The following SPATA13 variants were observed in gnomAD, a reference collection of about 807,000 sequenced individuals.
SPATA13 encodes spermatogenesis-associated protein 13.
SPATA13 carries 50 observed loss-of-function variants against 104.0 expected under a neutral mutation model. The ratio of observed to expected loss-of-function variants is 0.48; its 90% CI spans 0.38 to 0.61. The LOEUF is 0.61. SPATA13 is among the 20% of genes least tolerant of loss of function. SPATA13 has a pLI of 0.00. For missense variants in SPATA13, 1,524 were observed against 1,690.6 expected, an observed-to-expected ratio of 0.90 and a Z score of 1.73; for synonymous variants, 606 against 667.5, an observed-to-expected ratio of 0.91 and a Z score of 1.42.
rs35892461 is a variant in SPATA13, at chr13:24,070,273, C to G, written c.-112+52572C>G. On this transcript the variant is annotated intron_variant, in intron 3 of 14. Coordinates refer to the SPATA13 transcript ENST00000424834. ...GGTCTGCTTGGGCAACAGAAATGTC[C>G]GAGGAAATTAGCCCTGATGCGTGGC... 3.9e-5 allele frequency among the ~76,000 whole-genome samples: 6 copies of G among 152,236 alleles called. 1 individual carries two copies. Among genetic ancestry groups the G allele is most frequent in the African/African-American group, 1.4e-4 (6 of 41,548 alleles).
intron 1 of SPATA13, among the ~76,000 whole-genome samples, chr13:24,177,478 C>A (rs1351198304): frequency 6.6e-6 from 1 of 152,066 alleles, no homozygotes; most frequent in Non-Finnish European, 1.5e-5. Context: ...TCTCTTAGGC[C>A]TTTTTAATTT....
Position 24,303,269 on chromosome 13 carries a change from C to A in SPATA13, c.*496C>A. 4.8e-6 allele frequency: 2 copies of A among 419,132 alleles called. No individual in the cohort carries two copies. Among genetic ancestry groups the A allele is most frequent in the African/African-American group, 2.0e-5 (1 of 48,906 alleles). The allele number at this position is 419,132 out of a possible 1,614,324, so 26.0% of individuals were successfully genotyped here. A position where few individuals can be genotyped will look rare whatever the true frequency, so the allele number is the denominator to read the frequency against. On this transcript the variant is annotated 3_prime_UTR_variant, in exon 13 of 13. Coordinates refer to ENST00000382108, the MANE Select transcript of SPATA13 (RefSeq NM_001166271.3). ...CACTTAGAAATTGAGCTCTTACTCT[C>A]TTCTGTAATACTGGGGGACCTACAG...
At chr13:24,075,908 A>T (rs988463295) in intron 3 of SPATA13, among the ~76,000 whole-genome samples, 1 of 152,300 alleles carries the variant, frequency 6.6e-6, no homozygotes, top group East Asian at 1.9e-4. Context: ...TATAGAAGAA[A>T]TAATTTCTGC....
intron 4 of SPATA13, among the ~76,000 whole-genome samples, chr13:24,261,526 AT>A (rs1458244166): frequency 6.6e-6 from 1 of 152,200 alleles, no homozygotes; most frequent in African/African-American, 2.4e-5. Context: ...GGAGTGTGAT[AT>A]GAGTGGGGGT....
intron 3 of SPATA13, among the ~76,000 whole-genome samples, chr13:24,098,665 A>G (rs527706693): frequency 6.6e-6 from 1 of 152,066 alleles, no homozygotes; most frequent in African/African-American, 2.4e-5. Flanking sequence ...GTGGTGGTTT[A>G]TGACTGTAAT....
At position 24,224,579 on chromosome 13, in the gene SPATA13, G is replaced by A. The variant is rs1159140150; in HGVS notation, c.1650G>A (p.Glu550=). Residue 550 remains glutamate (E), a synonymous_variant, in exon 2 of 13, where the codon GAG becomes GAA. Coordinates refer to ENST00000382108, the MANE Select transcript of SPATA13 (RefSeq NM_001166271.3). ...CCGGCCCAGAAGAAAAGGAGAAGGAGGAGGTAAGGGCAGCGGCGAGGTCCC... is the reference window on the plus strand; with the variant it reads ...CCGGCCCAGAAGAAAAGGAGAAGGAAGAGGTAAGGGCAGCGGCGAGGTCCC... ...VAAGPEEKEK[E]EVVPDGPWRR... is the part of the protein sequence containing the mutation. The A allele has an allele frequency of 1.3e-6, 2 of 1,537,808 alleles. No individual in the cohort carries two copies. The highest frequency in any genetic ancestry group is 2.4e-5 in the East Asian group (1 of 40,918).
rs185584966 is a variant in SPATA13 at position 24,251,046 on chromosome 13, C to T, written c.2020-672C>T. 4.6e-3 allele frequency among the ~76,000 whole-genome samples: 703 copies of T among 152,308 alleles called. 5 individuals carry two copies. The highest frequency in any genetic ancestry group is 0.016 in the African/African-American group (659 of 41,558). ...AGAAGAAAAAAAGAAATCTAAGGAA[C>T]GTATAAAGCAACTGGGCCTTTGATT... On this transcript the variant is annotated intron_variant, in intron 3 of 12. Coordinates refer to ENST00000382108, the MANE Select transcript of SPATA13 (RefSeq NM_001166271.3).
chr13:24,105,679 G>T (rs1447448518), intron 3 of SPATA13, among the ~76,000 whole-genome samples: 2 of 152,164 alleles, frequency 1.3e-5, no homozygotes, highest in Non-Finnish European at 2.9e-5. Flanking sequence ...TCTCTGTTAA[G>T]GGCCGAATTG....
At chr13:24,163,528 A>T (rs898171102) in intron 1 of SPATA13, among the ~76,000 whole-genome samples, 1 of 152,158 alleles carries the variant, frequency 6.6e-6, no homozygotes, top group African/African-American at 2.4e-5. Context: ...TGACTGTATG[A>T]GTCTTATTTA....
chr13:24,165,684 A>G (rs558820265), intron 1 of SPATA13, among the ~76,000 whole-genome samples: 4 of 152,106 alleles, frequency 2.6e-5, no homozygotes, highest in South Asian at 2.1e-4. Context: ...TCTTATTCCA[A>G]TGGGGGCAGG....
chr13:24,172,837 A>G (rs1335037992), intron 1 of SPATA13, among the ~76,000 whole-genome samples: 1 of 152,212 alleles, frequency 6.6e-6, no homozygotes, highest in Non-Finnish European at 1.5e-5. Context: ...TAATGTTAGA[A>G]TAGTCGTCTC....
At chr13:24,142,423 C>T (rs1344732922) in intron 3 of SPATA13, among the ~76,000 whole-genome samples, 1 of 152,094 alleles carries the variant, frequency 6.6e-6, no homozygotes, top group Non-Finnish European at 1.5e-5. Context: ...TCTTTCATGA[C>T]CTTGACACTT....
chr13:24,207,023 G>C (rs956765208), intron 1 of SPATA13, among the ~76,000 whole-genome samples: 1 of 152,186 alleles, frequency 6.6e-6, no homozygotes, highest in African/African-American at 2.4e-5. Flanking sequence ...ATACACCATG[G>C]AATACTATGC....
chr13:23,987,338 A>T (rs1329894399), intron 2 of SPATA13, among the ~76,000 whole-genome samples: 1 of 152,132 alleles, frequency 6.6e-6, no homozygotes, highest in Non-Finnish European at 1.5e-5. Context: ...TAAAATACTT[A>T]CATTTTCAGT....
rs370165292 is a variant in SPATA13, at chr13:24,277,368, T to C, written c.2165-6767T>C. Among the ~76,000 whole-genome samples the C allele has an allele frequency of 7.9e-4, 112 of 142,510 alleles. 1 individual carries two copies. Among genetic ancestry groups the C allele is most frequent in the African/African-American group, 1.4e-3 (52 of 37,906 alleles). The allele number at this position is 142,510 out of a possible 152,430, so 93.5% of individuals were successfully genotyped here. On this transcript the variant is annotated intron_variant, in intron 4 of 12. Transcript: ENST00000382108. ...CTGAGGCAGGAGAATGGCGTGAACC[T>C]AGGAGGCGGAGCTTGCAGTGACCCG...
intron 4 of SPATA13, among the ~76,000 whole-genome samples, chr13:24,276,276 T>C (rs1375990140): frequency 6.6e-6 from 1 of 152,218 alleles, no homozygotes; most frequent in Admixed American, 6.5e-5. Context: ...TTTCCTTTTT[T>C]AAAAATCAAT....
chr13:24,260,463 G>C (rs971858275), intron 4 of SPATA13, among the ~76,000 whole-genome samples: 1 of 152,186 alleles, frequency 6.6e-6, no homozygotes. Flanking sequence ...TCCTCACCGG[G>C]AGTCAAGAGC....
At chr13:24,297,801 C>G (rs764536821) in intron 11 of SPATA13, 66 bp downstream of exon 11, 2 of 1,531,542 alleles carry the variant, frequency 1.3e-6, no homozygotes, top group East Asian at 4.5e-5. Context: ...ATTCTCCACT[C>G]CCATGGGCCT....
At chr13:24,064,062 C>G (rs1459217549) in intron 3 of SPATA13, among the ~76,000 whole-genome samples, 2 of 152,176 alleles carry the variant, frequency 1.3e-5, no homozygotes, top group Non-Finnish European at 2.9e-5. Flanking sequence ...CCATTTCTCT[C>G]TTTGACCATG....
Sources: allele counts gnomAD v4.1 joint callset (sites outside exome capture counted in the v4.1 genomes callset), GRCh38; gene constraint gnomAD v4.1.1; transcripts MANE v1.5; gene names NCBI Gene and HGNC (gene_info 2026-07-23, HGNC 2026-07-21).